FRMPD4: variants seen among roughly 807,000 people sequenced by gnomAD.
FRMPD4 encodes the protein FERM and PDZ domain containing 4.
In FRMPD4, 22 loss-of-function variants were observed where a neutral mutation model predicts 94.1. The observed-to-expected ratio is 0.23, with a 90% CI of 0.17 to 0.33. FRMPD4 has a LOEUF of 0.33. FRMPD4 is among the 10% of genes least tolerant of loss of function. FRMPD4 has a pLI of 1.00. For synonymous variants in FRMPD4, 631 were observed against 548.6 expected, an observed-to-expected ratio of 1.15 and a Z score of -2.10; for missense variants, 1,111 against 1,339.9, an observed-to-expected ratio of 0.83 and a Z score of 2.67.
intron 9 of FRMPD4, among the ~76,000 whole-genome samples, chrX:12,696,586 C>CAAAAAAAAAAAAAAA (rs57877846): frequency 3.0e-4 from 9 of 30,055 alleles, no homozygotes; most frequent in African/African-American, 5.3e-4. Flanking sequence ...AAAAATGAAG[C>CAAAAAAAAAAAAAAA]AAAAAAAAAA....
intron 3 of FRMPD4, among the ~76,000 whole-genome samples, chrX:12,047,289 C>T (rs928511575): frequency 3.7e-5 from 4 of 109,331 alleles, no homozygotes; most frequent in Non-Finnish European, 1.9e-5. Flanking sequence ...TACCTGTGAA[C>T]TTGAAAATTA....
intron 5 of FRMPD4, among the ~76,000 whole-genome samples, chrX:12,679,386 C>T (rs183722569): frequency 5.4e-5 from 6 of 111,542 alleles, no homozygotes; most frequent in East Asian, 2.8e-4. Context: ...CCAGGGGAGC[C>T]GATTCAACCA....
At chrX:12,548,945 G>A (rs979749865) in intron 2 of FRMPD4, among the ~76,000 whole-genome samples, 2 of 111,478 alleles carry the variant, frequency 1.8e-5, no homozygotes, top group Non-Finnish European at 3.8e-5. Flanking sequence ...CCCAGAGGTG[G>A]CTCAGCACCT....
intron 4 of FRMPD4, among the ~76,000 whole-genome samples, chrX:12,650,538 A>C (rs1035901703): frequency 8.9e-6 from 1 of 111,972 alleles, no homozygotes; most frequent in African/African-American, 3.3e-5. Flanking sequence ...GAGCTACTGG[A>C]GGTGTTTCCT....
chrX:12,050,648 A>G lies in FRMPD4; in HGVS notation c.95+172630A>G, dbSNP rs1208294125. 4.5e-5 allele frequency among the ~76,000 whole-genome samples: 5 copies of G among 110,653 alleles called. No homozygotes were observed. In the Admixed American group the frequency reaches 4.9e-4, roughly 11 times the overall value. On this transcript the variant is annotated intron_variant, in intron 3 of 18. Transcript: ENST00000640291. ...TTGTTTTCCATTTCTTTTTTACCCTATTAGTTGTTTCTAATTTTGAGGGGT... is the reference window on the plus strand; with the variant it reads ...TTGTTTTCCATTTCTTTTTTACCCTGTTAGTTGTTTCTAATTTTGAGGGGT...
chrX:12,612,039 CAT>C (rs755170692), intron 3 of FRMPD4, among the ~76,000 whole-genome samples: 26 of 111,152 alleles, frequency 2.3e-4, no homozygotes, highest in Non-Finnish European at 4.2e-4. Context: ...ATATGTAATA[CAT>C]ATGAGATCAT....
chrX:12,352,319 C>T (rs1439078572), intron 1 of FRMPD4, among the ~76,000 whole-genome samples: 1 of 112,232 alleles, frequency 8.9e-6, no homozygotes, highest in Non-Finnish European at 1.9e-5. Flanking sequence ...CTGAGTTTTG[C>T]TTGTAAATAT....
chrX:12,278,319 A>C (rs1201725661), intron 1 of FRMPD4, among the ~76,000 whole-genome samples: 1 of 111,923 alleles, frequency 8.9e-6, no homozygotes, highest in Non-Finnish European at 1.9e-5. Context: ...CACCCATTTC[A>C]GCTGCTGCTT....
At chrX:11,848,372 A>G (rs2053595598) in intron 1 of FRMPD4, among the ~76,000 whole-genome samples, 1 of 111,653 alleles carries the variant, frequency 9.0e-6, no homozygotes, top group Non-Finnish European at 1.9e-5. Flanking sequence ...TTGCCTGCAT[A>G]ACTTAACATT....
chrX:11,930,107 CAAAA>C (rs55973946), intron 3 of FRMPD4, among the ~76,000 whole-genome samples: 81 of 13,242 alleles, frequency 6.1e-3, no homozygotes, highest in Non-Finnish European at 9.4e-3. Flanking sequence ...GACTCTGTCT[CAAAA>C]AAAAAAAAAA....
chrX:12,649,517 C>T (rs769032529), intron 4 of FRMPD4, among the ~76,000 whole-genome samples: 1 of 111,532 alleles, frequency 9.0e-6, no homozygotes, highest in Non-Finnish European at 1.9e-5. Context: ...ACCTGCAACT[C>T]GGTCTGCAGC....
At chrX:12,212,432 G>C (rs1477271643) in intron 1 of FRMPD4, among the ~76,000 whole-genome samples, 1 of 110,825 alleles carries the variant, frequency 9.0e-6, no homozygotes, top group Non-Finnish European at 1.9e-5. Flanking sequence ...TAATGGTGCA[G>C]CATCTTGGCT....
intron 2 of FRMPD4, among the ~76,000 whole-genome samples, chrX:12,539,085 T>C (rs2058374501): frequency 9.0e-6 from 1 of 111,542 alleles, no homozygotes; most frequent in East Asian, 2.8e-4. Context: ...TGCAGAGAAG[T>C]CCTTAAACGA....
intron 1 of FRMPD4, among the ~76,000 whole-genome samples, chrX:12,273,076 CAA>C (rs748285844): frequency 2.7e-5 from 2 of 74,522 alleles, no homozygotes. Context: ...GACTTGGTTT[CAA>C]AAAAAAAAAA....
intron 4 of FRMPD4, among the ~76,000 whole-genome samples, chrX:12,638,728 CACTTG>C (rs763058300): frequency 8.5e-4 from 93 of 109,792 alleles, no homozygotes; most frequent in African/African-American, 3.0e-3. Flanking sequence ...TCTCCTTGAA[CACTTG>C]ACTTGAACTA....
chrX:12,232,351 C>T (rs1351712648), intron 1 of FRMPD4, among the ~76,000 whole-genome samples: 2 of 111,306 alleles, frequency 1.8e-5, no homozygotes, highest in South Asian at 3.8e-4. Flanking sequence ...GAAGGGGAAG[C>T]GAACACGTCC....
At chrX:12,612,573 C>G (rs959271423) in intron 3 of FRMPD4, among the ~76,000 whole-genome samples, 1 of 112,275 alleles carries the variant, frequency 8.9e-6, no homozygotes, top group Non-Finnish European at 1.9e-5. Flanking sequence ...TTGGATGGGA[C>G]AGTGTGTCTC....
At chrX:12,427,972 C>T (rs1190708700) in intron 1 of FRMPD4, among the ~76,000 whole-genome samples, 5 of 84,472 alleles carry the variant, frequency 5.9e-5, no homozygotes, top group Non-Finnish European at 8.5e-5. Flanking sequence ...TGCAGTGGCG[C>T]GATCTCGGCT....
chrX:12,492,686 G>C (rs1339317168), intron 1 of FRMPD4, among the ~76,000 whole-genome samples: 1 of 111,482 alleles, frequency 9.0e-6, no homozygotes, highest in Non-Finnish European at 1.9e-5. Flanking sequence ...AAAAATAGTT[G>C]GTGGGATGAT....
Sources: allele counts gnomAD v4.1 joint callset (sites outside exome capture counted in the v4.1 genomes callset), GRCh38; gene constraint gnomAD v4.1.1; transcripts MANE v1.5; gene names NCBI Gene and HGNC (gene_info 2026-07-23, HGNC 2026-07-21).